KLF12: variants seen among roughly 807,000 people sequenced by gnomAD.
KLF12 encodes Krueppel-like factor 12.
Under a neutral mutation model 37.8 loss-of-function variants are expected in KLF12, and 9 were observed. The ratio of observed to expected loss-of-function variants is 0.24; its 90% CI spans 0.14 to 0.42. The LOEUF is 0.42. Ranked by LOEUF, KLF12 falls within the 10% of genes least tolerant of loss-of-function variation. The probability of loss-of-function intolerance (pLI) is 1.00; values close to 1 mark genes in which losing one functional copy is unlikely to be tolerated. For synonymous variants in KLF12, 208 were observed against 202.1 expected, an observed-to-expected ratio of 1.03 and a Z score of -0.25; for missense variants, 411 against 516.0, an observed-to-expected ratio of 0.80 and a Z score of 1.97.
chr13:73,955,455 G>A (rs182538913), intron 2 of KLF12, among the ~76,000 whole-genome samples: 32 of 152,264 alleles, frequency 2.1e-4, no homozygotes, highest in Admixed American at 1.5e-3. Flanking sequence ...GTAAATGGCA[G>A]CAATGAATTA....
intron 1 of KLF12, among the ~76,000 whole-genome samples, chr13:74,070,891 G>A (rs10507825): frequency 0.087 from 13,296 of 152,236 alleles, 826 homozygotes; most frequent in Admixed American, 0.15. Flanking sequence ...TGGGAACATG[G>A]ATGGCAGTTG....
chr13:73,842,855 C>T (rs1566409780), intron 4 of KLF12, among the ~76,000 whole-genome samples: 1 of 151,984 alleles, frequency 6.6e-6, no homozygotes, highest in African/African-American at 2.4e-5. Context: ...AAACAAAGAA[C>T]TGAGGAATTA....
At chr13:74,248,992 C>G in the KLF12 span, among the ~76,000 whole-genome samples, 1 of 151,980 alleles carries the variant, frequency 6.6e-6, no homozygotes, top group East Asian at 1.9e-4. Context: ...AGGTGTGGTT[C>G]TAGAGGAGTG....
chr13:73,846,775 T>C (rs1008259366), intron 3 of KLF12, among the ~76,000 whole-genome samples: 3 of 152,194 alleles, frequency 2.0e-5, no homozygotes, highest in African/African-American at 7.2e-5. Context: ...CTTTCATACT[T>C]GTTGCAAGAG....
At position 74,026,009 on chromosome 13, in the gene KLF12, T is replaced by TAA. The variant is rs1309603150; in HGVS notation, c.-31-30958_-31-30957dup. 2.0e-5 allele frequency among the ~76,000 whole-genome samples: 3 copies of TAA among 152,198 alleles called. No individual in the cohort carries two copies. The East Asian group carries it at 5.8e-4, about 29-fold the overall frequency. ...TGAAACAGTTGAGTTTTGGGTACCC[T>TAA]AACTCACAAACTTGACATTATTAAT... On this transcript the variant is annotated intron_variant, in intron 1 of 7. Transcript: ENST00000377669.
the KLF12 span, chr13:74,258,075 C>T: frequency 1.3e-4 from 20 of 151,454 alleles, no homozygotes; most frequent in Admixed American, 5.9e-4. Context: ...TGTTATGAAT[C>T]GTGATTTCTG....
the KLF12 span, among the ~76,000 whole-genome samples, chr13:74,213,281 T>TG: frequency 6.6e-6 from 1 of 152,136 alleles, no homozygotes; most frequent in Non-Finnish European, 1.5e-5. Flanking sequence ...TGGTATTGGC[T>TG]GTGATTGTAA....
At chr13:73,781,043 C>T (rs1047884649) in intron 5 of KLF12, among the ~76,000 whole-genome samples, 6 of 152,286 alleles carry the variant, frequency 3.9e-5, no homozygotes, top group South Asian at 2.1e-4. Context: ...GAAATTGCCA[C>T]GGCCACTCCA....
At chr13:74,245,817 GACA>G in the KLF12 span, among the ~76,000 whole-genome samples, 1 of 152,140 alleles carries the variant, frequency 6.6e-6, no homozygotes. Context: ...AATAAGAGGG[GACA>G]ACAACTTAGT....
At chr13:74,251,762 A>G in the KLF12 span, among the ~76,000 whole-genome samples, 1 of 152,128 alleles carries the variant, frequency 6.6e-6, no homozygotes, top group Non-Finnish European at 1.5e-5. Context: ...AACTTTCAAA[A>G]GGGTCAGTTA....
intron 3 of KLF12, among the ~76,000 whole-genome samples, chr13:73,878,527 T>C (rs1376470889): frequency 6.6e-6 from 1 of 152,228 alleles, no homozygotes; most frequent in Non-Finnish European, 1.5e-5. Flanking sequence ...TGTTCTGCGT[T>C]GTGCACTGCT....
intron 6 of KLF12, among the ~76,000 whole-genome samples, chr13:73,728,070 C>T (rs552490862): frequency 1.6e-4 from 24 of 152,318 alleles, no homozygotes; most frequent in Non-Finnish European, 2.6e-4. Context: ...TGCCATCTTA[C>T]CAACATTATG....
chr13:73,842,561 G>C (rs1884794211), intron 4 of KLF12, among the ~76,000 whole-genome samples: 2 of 152,208 alleles, frequency 1.3e-5, no homozygotes, highest in African/African-American at 4.8e-5. Context: ...AGACGGATAT[G>C]CGCATTCACA....
At chr13:74,216,251 A>G in the KLF12 span, among the ~76,000 whole-genome samples, 238 of 152,324 alleles carry the variant, frequency 1.6e-3, 2 homozygotes, top group East Asian at 4.0e-3. Flanking sequence ...TTAAAGTTTA[A>G]ATACCCACAC....
the KLF12 span, among the ~76,000 whole-genome samples, chr13:74,246,614 ACT>A: frequency 6.6e-6 from 1 of 152,088 alleles, no homozygotes; most frequent in African/African-American, 2.4e-5. Context: ...GAACACATCA[ACT>A]CTCTCTCCTC....
At chr13:74,242,144 T>A in the KLF12 span, among the ~76,000 whole-genome samples, 2 of 152,236 alleles carry the variant, frequency 1.3e-5, no homozygotes, top group Admixed American at 6.5e-5. Flanking sequence ...ATAGATCAGT[T>A]GAATAGTCAA....
chr13:74,057,773 T>C (rs1312929757), intron 1 of KLF12, among the ~76,000 whole-genome samples: 1 of 152,086 alleles, frequency 6.6e-6, no homozygotes, highest in Non-Finnish European at 1.5e-5. Context: ...TTATTTTTGT[T>C]ATACATAAGG....
At chr13:74,283,951 C>T in the KLF12 span, among the ~76,000 whole-genome samples, 1 of 151,596 alleles carries the variant, frequency 6.6e-6, no homozygotes, top group African/African-American at 2.4e-5. Flanking sequence ...GCTCCGCCTC[C>T]TGGGTTCATG....
chr13:73,886,278 G>A (rs1887220068), intron 3 of KLF12, among the ~76,000 whole-genome samples: 1 of 152,194 alleles, frequency 6.6e-6, no homozygotes, highest in Admixed American at 6.5e-5. Flanking sequence ...TGAGCATGGA[G>A]TACAGATAAT....
Sources: allele counts gnomAD v4.1 joint callset (sites outside exome capture counted in the v4.1 genomes callset), GRCh38; gene constraint gnomAD v4.1.1; transcripts MANE v1.5; gene names NCBI Gene and HGNC (gene_info 2026-07-23, HGNC 2026-07-21).